Variants in SMAP1 observed in about 807,000 individuals in gnomAD.
SMAP1 encodes small ArfGAP 1.
Under a neutral mutation model 58.5 loss-of-function variants are expected in SMAP1, and 24 were observed. That is an observed-to-expected ratio of 0.41 (90% confidence interval 0.30 to 0.58). The LOEUF (loss-of-function observed/expected upper bound fraction) is 0.58. Among genes scored for constraint, SMAP1 ranks in the 20% least tolerant of loss-of-function variants. The probability of loss-of-function intolerance (pLI) is 0.29; values close to 1 mark genes in which losing one functional copy is unlikely to be tolerated. For missense variants in SMAP1, 563 were observed against 566.3 expected (o/e 0.99, Z 0.06); for synonymous variants, 216 against 196.6 (o/e 1.10, Z -0.82).
At chr6:70,797,176 T>G (rs1768641076) in intron 5 of SMAP1, among the ~76,000 whole-genome samples, 1 of 152,164 alleles carries the variant, frequency 6.6e-6, no homozygotes, top group African/African-American at 2.4e-5. Flanking sequence ...CTTTTAAAAT[T>G]TTGAACTAAG....
At chr6:70,678,193 C>T (rs914208420) in intron 1 of SMAP1, among the ~76,000 whole-genome samples, 2 of 152,048 alleles carry the variant, frequency 1.3e-5, no homozygotes, top group Non-Finnish European at 2.9e-5. Flanking sequence ...CTCTGTGGCC[C>T]CTATACCCCA....
At chr6:70,798,837 A>G in intron 6 of SMAP1, 100 bp downstream of exon 6, 1 of 975,570 alleles carries the variant, frequency 1.0e-6, no homozygotes, top group South Asian at 2.1e-5. Context: ...GTAAATAATC[A>G]TTATTTTCAA....
At chr6:70,816,552 C>T (rs1370236774) in intron 6 of SMAP1, among the ~76,000 whole-genome samples, 1 of 152,164 alleles carries the variant, frequency 6.6e-6, no homozygotes, top group Non-Finnish European at 1.5e-5. Flanking sequence ...TTTGAACAAA[C>T]AGCCTTACCA....
At chr6:70,838,320 T>C (rs1185848363) in intron 7 of SMAP1, among the ~76,000 whole-genome samples, 1 of 149,014 alleles carries the variant, frequency 6.7e-6, no homozygotes, top group Non-Finnish European at 1.5e-5. Flanking sequence ...ATAGCTACTG[T>C]CTATTGTGTG....
At chr6:70,766,278 G>T (rs1333887208) in intron 3 of SMAP1, among the ~76,000 whole-genome samples, 1 of 152,168 alleles carries the variant, frequency 6.6e-6, no homozygotes, top group East Asian at 1.9e-4. Flanking sequence ...GGATGGCTGG[G>T]TCAAATGGTA....
intron 4 of SMAP1, among the ~76,000 whole-genome samples, chr6:70,779,215 G>C (rs1378967139): frequency 2.0e-5 from 3 of 152,206 alleles, no homozygotes; most frequent in Admixed American, 6.5e-5. Context: ...CAGGTGCCAG[G>C]GACTTGGCTG....
chr6:70,780,081 A>G (rs758334323), intron 4 of SMAP1, among the ~76,000 whole-genome samples: 8 of 152,184 alleles, frequency 5.3e-5, no homozygotes, highest in Admixed American at 5.2e-4. Context: ...TTTAGCCCAC[A>G]TATGGCCCGC....
chr6:70,829,264 CTTTTTGTTTTTG>C (rs533047776), intron 6 of SMAP1, among the ~76,000 whole-genome samples: 15 of 150,378 alleles, frequency 1.0e-4, no homozygotes, highest in Non-Finnish European at 1.6e-4. Flanking sequence ...TCTTTGTCTT[CTTTTTGTTTTTG>C]TTTTTGTTTT....
chr6:70,767,273 A>C (rs1186968031), intron 3 of SMAP1, among the ~76,000 whole-genome samples: 1 of 151,402 alleles, frequency 6.6e-6, no homozygotes, highest in African/African-American at 2.4e-5. Context: ...GTTTTTTCCA[A>C]TTCTGTGAAG....
chr6:70,836,195 AAG>A (rs1312104633), intron 6 of SMAP1, among the ~76,000 whole-genome samples: 1 of 152,124 alleles, frequency 6.6e-6, no homozygotes, highest in Non-Finnish European at 1.5e-5. Flanking sequence ...TTACAGAAGA[AAG>A]AGGTTTAATT....
chr6:70,812,959 C>A (rs1209631595), intron 6 of SMAP1, among the ~76,000 whole-genome samples: 1 of 150,768 alleles, frequency 6.6e-6, no homozygotes, highest in Non-Finnish European at 1.5e-5. Context: ...AGCCTCATTT[C>A]TTTTTTTTTA....
At chr6:70,692,036 G>A (rs763457135) in intron 1 of SMAP1, among the ~76,000 whole-genome samples, 1 of 152,076 alleles carries the variant, frequency 6.6e-6, no homozygotes, top group African/African-American at 2.4e-5. Flanking sequence ...AGGAATCTCC[G>A]TACTGTTCTT....
At chr6:70,855,017 T>C (rs1771342635) in intron 8 of SMAP1, among the ~76,000 whole-genome samples, 1 of 145,522 alleles carries the variant, frequency 6.9e-6, no homozygotes, top group Admixed American at 6.9e-5. Flanking sequence ...AGAGTCTTCA[T>C]TGTTGACATG....
chr6:70,830,589 G>A (rs1374980761), intron 6 of SMAP1, among the ~76,000 whole-genome samples: 1 of 152,096 alleles, frequency 6.6e-6, no homozygotes, highest in Non-Finnish European at 1.5e-5. Flanking sequence ...GTTGTTTAAG[G>A]TTTACAACCT....
At position 70,837,823 on chromosome 6, in the gene SMAP1, T is replaced by C. The variant is rs766607703; in HGVS notation, c.664+795T>C. The C allele has an allele frequency of 1.6e-5, 20 of 1,273,266 alleles. No individual in the cohort carries two copies. In the South Asian group the frequency reaches 2.7e-4, roughly 17 times the overall value. The allele number at this position is 1,273,266 out of a possible 1,614,324, so 78.9% of individuals were successfully genotyped here. ...AAGGAAAAGAGTGAAAGGCAGTTAG[T>C]TGAAGTGGAAGAGTTGACCTTCATG... On this transcript the variant is annotated intron_variant, in intron 7 of 10. Transcript: ENST00000370455.
chr6:70,785,648 C>T (rs1004308148), intron 4 of SMAP1, among the ~76,000 whole-genome samples: 1 of 152,160 alleles, frequency 6.6e-6, no homozygotes, highest in African/African-American at 2.4e-5. Context: ...GAAATACAAA[C>T]TACCATCAGA....
intron 1 of SMAP1, among the ~76,000 whole-genome samples, chr6:70,700,082 G>A (rs536889604): frequency 2.0e-5 from 3 of 152,050 alleles, no homozygotes; most frequent in Admixed American, 6.5e-5. Flanking sequence ...TGGATTCCTC[G>A]TACCTTCGTG....
chr6:70,832,591 AAAG>A (rs1333116495), intron 6 of SMAP1, among the ~76,000 whole-genome samples: 4 of 152,198 alleles, frequency 2.6e-5, no homozygotes, highest in African/African-American at 9.7e-5. Flanking sequence ...TTTATAAACA[AAAG>A]AAGTTTATTT....
At chr6:70,707,632 G>A (rs546723036) in intron 1 of SMAP1, among the ~76,000 whole-genome samples, 113 of 152,092 alleles carry the variant, frequency 7.4e-4, no homozygotes, top group African/African-American at 2.7e-3. Flanking sequence ...TTGAGACAGA[G>A]TCTCACTCTG....
Sources: gnomAD v4.1 joint callset for allele counts (sites outside exome capture counted in the v4.1 genomes callset) on GRCh38, gnomAD v4.1.1 for gene constraint, MANE v1.5 for transcripts, NCBI Gene and HGNC (gene_info 2026-07-23, HGNC 2026-07-21) for gene names.